NRXN3: variants seen among roughly 807,000 people sequenced by gnomAD.
NRXN3 encodes neurexin 3, also known as neurexin III.
Under a neutral mutation model 137.6 loss-of-function variants are expected in NRXN3, and 32 were observed. The ratio of observed to expected loss-of-function variants is 0.23; its 90% CI spans 0.18 to 0.31. NRXN3 has a LOEUF of 0.31. Among genes scored for constraint, NRXN3 ranks in the 10% least tolerant of loss-of-function variants. The pLI, the probability that NRXN3 is intolerant of heterozygous loss-of-function variation, is 1.00. For synonymous variants in NRXN3, 798 were observed against 784.5 expected (o/e 1.02, Z -0.29); for missense variants, 1,574 against 2,062.5 (o/e 0.76, Z 4.59).
At chr14:78,581,947 T>G (rs1249203756) in intron 4 of NRXN3, among the ~76,000 whole-genome samples, 1 of 152,234 alleles carries the variant, frequency 6.6e-6, no homozygotes, top group Non-Finnish European at 1.5e-5. Context: ...AGCATTAGCT[T>G]CTCTTCATTA....
At chr14:79,183,357 G>A (rs2063154111) in intron 15 of NRXN3, among the ~76,000 whole-genome samples, 1 of 152,080 alleles carries the variant, frequency 6.6e-6, no homozygotes, top group Admixed American at 6.5e-5. Flanking sequence ...TGCCTTGACT[G>A]TTAATTAGCT....
intron 15 of NRXN3, among the ~76,000 whole-genome samples, chr14:79,092,344 A>G (rs2049368527): frequency 6.6e-6 from 1 of 152,188 alleles, no homozygotes; most frequent in South Asian, 2.1e-4. Context: ...TTCAAAATGT[A>G]ATGAAGAATA....
chr14:78,709,154 A>G lies in NRXN3; in HGVS notation c.1222-63A>G, dbSNP rs952706692. On this transcript the variant is annotated intron_variant, in intron 6 of 20. Transcript: ENST00000335750. ...GGGTCATTTTTCCAGGTGCCCAGTG[A>G]GTGATGGATGGATACTGTTTGCAAG... 2.4e-5 allele frequency: 35 copies of G among 1,470,028 alleles called. No homozygotes were observed. The Admixed American group carries it at 3.5e-4, about 15-fold the overall frequency. 91.1% of individuals were successfully genotyped at this position (1,470,028 alleles called of 1,614,324 possible).
At chr14:79,753,810 TTA>T (rs1170556039) in intron 19 of NRXN3, among the ~76,000 whole-genome samples, 2 of 152,090 alleles carry the variant, frequency 1.3e-5, no homozygotes, top group African/African-American at 4.8e-5. Flanking sequence ...ATGTGAGATT[TTA>T]TATATACAGT....
chr14:78,348,180 A>G (rs214026), intron 4 of NRXN3, among the ~76,000 whole-genome samples: 120,411 of 152,106 alleles, frequency 0.79, 48,994 homozygotes, highest in Non-Finnish European at 0.89. Flanking sequence ...ATTCATTACC[A>G]TCACCTGGGA....
intron 15 of NRXN3, among the ~76,000 whole-genome samples, chr14:79,246,052 G>T (rs1289919046): frequency 6.6e-6 from 1 of 152,148 alleles, no homozygotes; most frequent in Non-Finnish European, 1.5e-5. Flanking sequence ...AAACCAAAAA[G>T]AAATATTGCT....
chr14:79,575,867 T>C (rs2097659639), intron 16 of NRXN3, among the ~76,000 whole-genome samples: 1 of 152,222 alleles, frequency 6.6e-6, no homozygotes, highest in African/African-American at 2.4e-5. Flanking sequence ...TGGGAAGATA[T>C]GATTCAGACA....
chr14:78,820,129 A>G (rs933890583), intron 10 of NRXN3, among the ~76,000 whole-genome samples: 6 of 151,968 alleles, frequency 3.9e-5, no homozygotes, highest in South Asian at 4.1e-4. Context: ...AGCTAATATT[A>G]TTAACCTAAA....
At chr14:78,487,326 C>T (rs1446256430) in intron 4 of NRXN3, among the ~76,000 whole-genome samples, 1 of 152,124 alleles carries the variant, frequency 6.6e-6, no homozygotes, top group Non-Finnish European at 1.5e-5. Flanking sequence ...GGGCAGGCTT[C>T]CTGGGTGCTC....
rs137889945 is a variant in NRXN3 at position 78,775,032 on chromosome 14, C to T, written c.2045-28588C>T. ...ATCCATGTTCTCAACCATTACACTA[C>T]ACCCATTTAATATTATCAGTAGATT... On this transcript the variant is annotated intron_variant, in intron 8 of 20. Transcript: ENST00000335750. 5.6e-3 allele frequency among the ~76,000 whole-genome samples: 852 copies of T among 152,334 alleles called. 4 individuals are homozygous for T. Among genetic ancestry groups the T allele is most frequent in the Non-Finnish European group, 0.01 (710 of 68,038 alleles).
At chr14:79,805,003 G>GGA (rs2140613885) in intron 19 of NRXN3, 109 bp from the exon 20 acceptor site, 1 of 724,676 alleles carries the variant, frequency 1.4e-6, no homozygotes, top group East Asian at 2.6e-5. Flanking sequence ...CGTAATGATG[G>GGA]GAGATGGGAC....
chr14:79,499,956 C>CATGT (rs60538373), intron 16 of NRXN3, among the ~76,000 whole-genome samples: 3,453 of 145,226 alleles, frequency 0.024, 160 homozygotes, highest in East Asian at 0.16. Flanking sequence ...ATCTTAGGGT[C>CATGT]GTGTGTGTGT....
intron 4 of NRXN3, among the ~76,000 whole-genome samples, chr14:78,592,045 C>T (rs566711297): frequency 6.6e-6 from 1 of 152,126 alleles, no homozygotes; most frequent in African/African-American, 2.4e-5. Flanking sequence ...AGTTGCCAGA[C>T]CTATTACGGT....
chr14:79,500,188 T>C (rs748068217), intron 16 of NRXN3, among the ~76,000 whole-genome samples: 26 of 149,876 alleles, frequency 1.7e-4, no homozygotes, highest in Admixed American at 1.3e-3. Context: ...TATGGGCAGT[T>C]TTCCTAAATC....
chr14:79,202,138 G>A (rs1426138500), intron 15 of NRXN3, among the ~76,000 whole-genome samples: 1 of 151,274 alleles, frequency 6.6e-6, no homozygotes, highest in Non-Finnish European at 1.5e-5. Flanking sequence ...GTGTGCCCAA[G>A]ATAAACAAGA....
chr14:79,243,517 T>C (rs2074640651), intron 15 of NRXN3, among the ~76,000 whole-genome samples: 1 of 152,228 alleles, frequency 6.6e-6, no homozygotes. Flanking sequence ...CAGTGAAATC[T>C]GTACTATAGC....
intron 15 of NRXN3, among the ~76,000 whole-genome samples, chr14:79,204,182 C>T (rs1262629749): frequency 1.3e-5 from 2 of 152,026 alleles, no homozygotes; most frequent in Non-Finnish European, 2.9e-5. Flanking sequence ...TTACAAAGAG[C>T]TCCCGTCAGG....
At chr14:78,546,300 T>C (rs182388224) in intron 4 of NRXN3, among the ~76,000 whole-genome samples, 203 of 152,332 alleles carry the variant, frequency 1.3e-3, no homozygotes, top group Non-Finnish European at 2.4e-3. Flanking sequence ...AATTTGCATT[T>C]CTCGGACTGT....
rs144907132 is a variant in NRXN3 at position 79,707,537 on chromosome 14, C to T, written c.4014+9600C>T. Among the ~76,000 whole-genome samples the T allele has an allele frequency of 2.4e-4, 37 of 152,180 alleles. No individual in the cohort carries two copies. In the East Asian group the frequency reaches 6.8e-3, roughly 28 times the overall value. ...GAAATATGGGGATGATTTCCAACTT[C>T]AAGGGTAGGTTAAGATAATATAAGT... On this transcript the variant is annotated intron_variant, in intron 19 of 20. Transcript: ENST00000335750.
Sources: gnomAD v4.1 joint callset for allele counts (sites outside exome capture counted in the v4.1 genomes callset) on GRCh38, gnomAD v4.1.1 for gene constraint, MANE v1.5 for transcripts, NCBI Gene and HGNC (gene_info 2026-07-23, HGNC 2026-07-21) for gene names.